DCBLD2: variants seen among roughly 807,000 people sequenced by gnomAD.
DCBLD2 encodes discoidin, CUB and LCCL domain-containing protein 2.
Under a neutral mutation model 86.8 loss-of-function variants are expected in DCBLD2, and 54 were observed. The observed-to-expected ratio is 0.62, with a 90% CI of 0.50 to 0.78. DCBLD2 has a LOEUF of 0.78. DCBLD2 is among the 30% of genes least tolerant of loss of function. DCBLD2 has a pLI of 0.00. For synonymous variants in DCBLD2, 354 were observed against 341.3 expected, an observed-to-expected ratio of 1.04 and a Z score of -0.41; for missense variants, 908 against 954.2, an observed-to-expected ratio of 0.95 and a Z score of 0.64.
At chr3:98,886,801 C>CCT (rs1553734161) in intron 1 of DCBLD2, among the ~76,000 whole-genome samples, 4 of 100,442 alleles carry the variant, frequency 4.0e-5, no homozygotes, top group South Asian at 3.7e-4. Flanking sequence ...TACAGGAAAA[C>CCT]CCCCCCCCTT....
Position 98,838,777 on chromosome 3 carries a change from G to C in DCBLD2, c.571+10684C>G, listed in dbSNP as rs967764053. Among the ~76,000 whole-genome samples, 18 of 152,258 alleles carry C rather than the reference G, an allele frequency of 1.2e-4. 1 individual carries two copies. The highest frequency in any genetic ancestry group is 4.3e-4 in the African/African-American group (18 of 41,562). ...GCACCATTGAGCACTGAGTGAACGA[G>C]ACTCCGTCTGCAATCCCGGCACCTC... On this transcript the variant is annotated intron_variant, in intron 3 of 15. Coordinates refer to ENST00000326840, the MANE Select transcript of DCBLD2 (RefSeq NM_080927.4).
chr3:98,861,614 T>C (rs533572641), intron 2 of DCBLD2, among the ~76,000 whole-genome samples: 210 of 152,136 alleles, frequency 1.4e-3, no homozygotes, highest in Admixed American at 5.0e-3. Flanking sequence ...AACAACCTGC[T>C]CCTGAATGAC....
intron 2 of DCBLD2, among the ~76,000 whole-genome samples, chr3:98,859,088 C>T (rs1456999115): frequency 6.6e-6 from 1 of 152,186 alleles, no homozygotes; most frequent in Non-Finnish European, 1.5e-5. Flanking sequence ...CATCCCACGC[C>T]TGGCTCGGAG....
chr3:98,832,421 T>G (rs1559777829), intron 3 of DCBLD2, among the ~76,000 whole-genome samples: 1 of 152,210 alleles, frequency 6.6e-6, no homozygotes, highest in Non-Finnish European at 1.5e-5. Flanking sequence ...AAATAGGGCA[T>G]TTAGGCTATT....
At position 98,881,553 on chromosome 3, in the gene DCBLD2, G is replaced by C. The variant is rs779664429; in HGVS notation, c.420C>G (p.Ser140Arg). 9.3e-6 allele frequency: 15 copies of C among 1,613,564 alleles called. No individual in the cohort carries two copies. The highest frequency in any genetic ancestry group is 1.3e-5 in the Non-Finnish European group (15 of 1,179,756). Residue 140 changes from serine to arginine, a missense_variant, in exon 2 of 16, where the codon AGC becomes AGG. This residue lies in a region of DCBLD2 where 294 missense variants were observed against 256.0 expected (regional missense o/e 1.15). Coordinates refer to ENST00000326840, the MANE Select transcript of DCBLD2 (RefSeq NM_080927.4). The stretch of plus-strand genomic sequence containing the variant: ...AAAAAGTCCTACCTATTTCAGTTCT[G>C]CTGACTCCAATTCCATTATAAATTC... ...YLRIYNGIGVSRTEIGKYCGL... is the reference protein window; with the variant it reads ...YLRIYNGIGVRRTEIGKYCGL...
At chr3:98,861,167 A>G (rs1353690160) in intron 2 of DCBLD2, among the ~76,000 whole-genome samples, 2 of 152,258 alleles carry the variant, frequency 1.3e-5, no homozygotes, top group Non-Finnish European at 1.5e-5. Context: ...TTCAACAAGA[A>G]GAGCTAACTA....
At chr3:98,841,965 T>C (rs1288360784) in intron 3 of DCBLD2, among the ~76,000 whole-genome samples, 1 of 152,072 alleles carries the variant, frequency 6.6e-6, no homozygotes, top group Admixed American at 6.5e-5. Flanking sequence ...CTTGGGAGGC[T>C]GAGGCAGGAG....
rs1576172684 is a variant in DCBLD2 at position 98,837,785 on chromosome 3, C to T, written c.571+11676G>A. ...GGGGCGGCCGGGCAGAGGCGCCCCT[C>T]ACCTCCCAGACGGGGCGGCTGGCCG... On this transcript the variant is annotated intron_variant, in intron 3 of 15. Coordinates refer to ENST00000326840, the MANE Select transcript of DCBLD2 (RefSeq NM_080927.4). Among the ~76,000 whole-genome samples the T allele has an allele frequency of 8.4e-5, 10 of 118,506 alleles. No homozygotes were observed. The East Asian group carries it at 2.9e-3, about 34-fold the overall frequency. 77.7% of individuals were successfully genotyped at this position (118,506 alleles called of 152,430 possible).
intron 1 of DCBLD2, among the ~76,000 whole-genome samples, chr3:98,888,995 G>T (rs1423588765): frequency 6.6e-6 from 1 of 151,846 alleles, no homozygotes; most frequent in African/African-American, 2.4e-5. Flanking sequence ...CTGTGAACTG[G>T]ATTTCTCTCT....
intron 4 of DCBLD2, 97 bp downstream of exon 4, chr3:98,825,218 A>T: frequency 1.1e-6 from 1 of 918,082 alleles, no homozygotes; most frequent in Non-Finnish European, 1.6e-6. Flanking sequence ...CACACAATAT[A>T]CATTAACCCT....
At position 98,901,602 on chromosome 3, in the gene DCBLD2, G is replaced by T; in HGVS notation, c.-276C>A. ...TCGAGCCGCGGAGGACGGCCGCGGC[G>T]GAGCTAAGGAACGTGCCTCCCGCGC... On this transcript the variant is annotated 5_prime_UTR_variant, in exon 1 of 16. Coordinates refer to ENST00000326840, the MANE Select transcript of DCBLD2 (RefSeq NM_080927.4). 3.6e-6 allele frequency: 1 copy of T among 280,152 alleles called. No individual in the cohort carries two copies. Among genetic ancestry groups the T allele is most frequent in the East Asian group, 6.1e-5 (1 of 16,504 alleles). 17.4% of individuals were successfully genotyped at this position (280,152 alleles called of 1,614,324 possible).
intron 13 of DCBLD2, among the ~76,000 whole-genome samples, chr3:98,807,710 A>G (rs1941865530): frequency 6.6e-6 from 1 of 152,198 alleles, no homozygotes; most frequent in South Asian, 2.1e-4. Flanking sequence ...ACTTCAGTTA[A>G]TTCTCATGGT....
chr3:98,801,638 G>T lies in DCBLD2; in HGVS notation c.1682C>A (p.Thr561Asn), dbSNP rs766988985. 1.9e-6 allele frequency: 3 copies of T among 1,607,386 alleles called. No homozygotes were observed. ...AWHWRNRKKK[T>N]EGTYDLPYWD... ...GTAAGGTAAGTCATAGGTGCCTTCA[G>T]TTTTTTTCTTTCTGGAAAAATACAG... The change falls in exon 14 of 16, where the codon ACT (threonine) becomes AAT (asparagine). Residue 561 changes from threonine (T) to asparagine (N), a missense_variant. By Grantham distance (65) the Thr-to-Asn change is moderately conservative. Around this residue, in one of 3 missense-constraint regions of DCBLD2, gnomAD observed 606 missense variants for 678.5 expected, o/e 0.89. Transcript: ENST00000326840.
chr3:98,839,182 TC>T (rs1942571065), intron 3 of DCBLD2, among the ~76,000 whole-genome samples: 1 of 53,454 alleles, frequency 1.9e-5, no homozygotes, highest in African/African-American at 9.7e-5. Flanking sequence ...CTTTCTTTCT[TC>T]CTTCCTTCCT....
intron 1 of DCBLD2, among the ~76,000 whole-genome samples, chr3:98,890,964 C>T (rs1030293800): frequency 2.4e-4 from 36 of 152,176 alleles, no homozygotes; most frequent in South Asian, 4.1e-4. Flanking sequence ...ACATGTCCTA[C>T]GCATTCAATG....
intron 2 of DCBLD2, among the ~76,000 whole-genome samples, chr3:98,871,593 A>G (rs1396069471): frequency 1.3e-5 from 2 of 152,042 alleles, no homozygotes; most frequent in African/African-American, 2.4e-5. Context: ...TGATTTGCAT[A>G]TGTCAAATCA....
At chr3:98,863,012 CT>C (rs1170834945) in intron 2 of DCBLD2, among the ~76,000 whole-genome samples, 1 of 152,224 alleles carries the variant, frequency 6.6e-6, no homozygotes, top group East Asian at 1.9e-4. Flanking sequence ...TGATAAGCAA[CT>C]TCAGCAAAGT....
intron 3 of DCBLD2, among the ~76,000 whole-genome samples, chr3:98,847,132 G>C (rs936444008): frequency 2.0e-5 from 3 of 152,094 alleles, no homozygotes; most frequent in African/African-American, 7.2e-5. Flanking sequence ...GTAGGGGTGG[G>C]GAACACGTGT....
chr3:98,796,937 A>C lies in DCBLD2; in HGVS notation c.*2435T>G, dbSNP rs1941612431. On this transcript the variant is annotated 3_prime_UTR_variant, in exon 16 of 16. Coordinates refer to ENST00000326840, the MANE Select transcript of DCBLD2 (RefSeq NM_080927.4). ...TCTTAAATGTTGCAAGCAAAGGATA[A>C]AAATTCAAGGGAATTTTGTCAGATA... 6.6e-6 allele frequency: 1 copy of C among 152,544 alleles called. No individual in the cohort carries two copies. Among genetic ancestry groups the C allele is most frequent in the South Asian group, 2.1e-4 (1 of 4,828 alleles). The allele number at this position is 152,544 out of a possible 1,614,324, so 9.4% of individuals were successfully genotyped here. A position where few individuals can be genotyped will look rare whatever the true frequency, so the allele number is the denominator to read the frequency against.
Sources: gnomAD v4.1 joint callset for allele counts (sites outside exome capture counted in the v4.1 genomes callset) on GRCh38, gnomAD v4.1.1 for gene constraint, gnomAD v4.1.1 regional missense constraint, MANE v1.5 for transcripts, NCBI Gene and HGNC (gene_info 2026-07-23, HGNC 2026-07-21) for gene names.